Variants in PROCR observed in about 807,000 individuals in gnomAD.
PROCR encodes endothelial protein C receptor.
PROCR carries 22 observed loss-of-function variants against 24.2 expected under a neutral mutation model. That is an observed-to-expected ratio of 0.91 (90% confidence interval 0.65 to 1.30). The LOEUF (loss-of-function observed/expected upper bound fraction) is 1.30. PROCR is among the 50% of genes most tolerant of loss of function. The pLI is 0.00. For synonymous variants in PROCR, 137 were observed against 139.2 expected, an observed-to-expected ratio of 0.98 and a Z score of 0.11; for missense variants, 288 against 307.7, an observed-to-expected ratio of 0.94 and a Z score of 0.48.
At chr20:35,182,303 A>G (rs1302135700), downstream of PROCR, among the ~76,000 whole-genome samples, 5 of 152,072 alleles carry the variant, frequency 3.3e-5, no homozygotes, top group Non-Finnish European at 5.9e-5. Context: ...AACTCTACAT[A>G]TATTATCTTT....
chr20:35,208,107 G>T (rs536331660), intron 1 of PROCR, among the ~76,000 whole-genome samples: 1 of 152,156 alleles, frequency 6.6e-6, no homozygotes, highest in African/African-American at 2.4e-5. Context: ...GGAGAGAAGG[G>T]AAGGAAAAGC....
intron 1 of PROCR, among the ~76,000 whole-genome samples, chr20:35,205,863 A>ATGTATACATGTAT (rs2060339938): frequency 1.4e-5 from 2 of 144,352 alleles, no homozygotes; most frequent in South Asian, 4.3e-4. Context: ...ACATATACAT[A>ATGTATACATGTAT]TGTATACATG....
intron 1 of PROCR, among the ~76,000 whole-genome samples, chr20:35,187,048 C>T (rs1293846131): frequency 6.6e-6 from 1 of 152,138 alleles, no homozygotes; most frequent in Non-Finnish European, 1.5e-5. Context: ...TGCGCTTCCT[C>T]AATCCATAGT....
In PROCR at chr20:35,174,077, A is replaced by G. The variant is rs534233618; in HGVS notation, c.71-625A>G. Among the ~76,000 whole-genome samples, 216 of 152,314 alleles carry G rather than the reference A, an allele frequency of 1.4e-3. 1 individual carries two copies. The highest frequency in any genetic ancestry group is 7.5e-4 in the Non-Finnish European group (51 of 68,022). ...ATAATAGTAGCTATTGCATTAAGCC[A>G]CTGGGGAAAGGCACAAAGATAATAA... On this transcript the variant is annotated intron_variant, in intron 1 of 3. Coordinates refer to ENST00000216968, the MANE Select transcript of PROCR (RefSeq NM_006404.5).
At chr20:35,174,361 A>C in intron 1 of PROCR, 1 of 374,642 alleles carries the variant, frequency 2.7e-6, no homozygotes. Context: ...AGGCGATGGA[A>C]TTGGAATTTT....
intron 1 of PROCR, among the ~76,000 whole-genome samples, chr20:35,207,693 C>T (rs574562768): frequency 5.3e-4 from 80 of 152,096 alleles, no homozygotes; most frequent in African/African-American, 1.9e-3. Context: ...CCACACCTGG[C>T]TAATTTTCAT....
intron 1 of PROCR, among the ~76,000 whole-genome samples, chr20:35,206,768 A>G (rs2060344558): frequency 2.0e-5 from 3 of 152,300 alleles, no homozygotes; most frequent in African/African-American, 4.8e-5. Context: ...AAACAAAATG[A>G]TACAGCCCCT....
At position 35,210,504 on chromosome 20, in the gene PROCR, G is replaced by A. The variant is rs541684875; in HGVS notation, c.95-5389G>A. Among the ~76,000 whole-genome samples the A allele has an allele frequency of 1.4e-3, 208 of 152,138 alleles. 1 individual carries two copies. Among genetic ancestry groups the A allele is most frequent in the African/African-American group, 4.5e-3 (186 of 41,488 alleles). On this transcript the variant is annotated intron_variant, in intron 1 of 1. Transcript: ENST00000634509. Reference sequence around the variant, plus strand: ...TGAGGCTGCAGTAAGCTACGGTTGCGCCACTGCACTCCAGCCTGGGCAACA... The same window carrying A: ...TGAGGCTGCAGTAAGCTACGGTTGCACCACTGCACTCCAGCCTGGGCAACA...
intron 1 of PROCR, among the ~76,000 whole-genome samples, chr20:35,213,795 C>A (rs1204030499): frequency 3.9e-5 from 6 of 152,122 alleles, no homozygotes; most frequent in Non-Finnish European, 8.8e-5. Flanking sequence ...TCCTTCCAGC[C>A]AGGCATGGTG....
intron 1 of PROCR, among the ~76,000 whole-genome samples, chr20:35,194,875 A>G (rs1445981709): frequency 3.9e-5 from 6 of 152,228 alleles, no homozygotes; most frequent in Admixed American, 2.6e-4. Flanking sequence ...CAGATAATTT[A>G]AACAGGACTC....
downstream of PROCR, among the ~76,000 whole-genome samples, chr20:35,182,362 C>T (rs1489797811): frequency 6.6e-6 from 1 of 151,952 alleles, no homozygotes; most frequent in Non-Finnish European, 1.5e-5. Context: ...ATTGGTGGCA[C>T]GATCATGGCT....
chr20:35,186,339 C>G (rs548290990), intron 1 of PROCR, among the ~76,000 whole-genome samples: 1 of 152,008 alleles, frequency 6.6e-6, no homozygotes, highest in Non-Finnish European at 1.5e-5. Context: ...GAGGCCAAGG[C>G]GGGTGGATCA....
At chr20:35,192,649 G>A (rs1476837949) in intron 1 of PROCR, among the ~76,000 whole-genome samples, 1 of 152,082 alleles carries the variant, frequency 6.6e-6, no homozygotes, top group Non-Finnish European at 1.5e-5. Context: ...GTGAAGTTTG[G>A]CAGTTACCCA....
At chr20:35,174,633 G>T in intron 1 of PROCR, 69 bp from the exon 2 acceptor site, 3 of 1,599,486 alleles carry the variant, frequency 1.9e-6, no homozygotes, top group Non-Finnish European at 2.6e-6. Flanking sequence ...CGAGGTAGGG[G>T]GTTATTATCT....
intron 1 of PROCR, chr20:35,215,810 A>G: frequency 1.1e-6 from 1 of 948,108 alleles, no homozygotes; most frequent in South Asian, 4.9e-5. Context: ...ATAGGAATTC[A>G]GAGGAAGGAG....
intron 1 of PROCR, among the ~76,000 whole-genome samples, chr20:35,195,629 T>A (rs899494912): frequency 1.3e-5 from 2 of 152,032 alleles, no homozygotes; most frequent in African/African-American, 4.8e-5. Flanking sequence ...GAGACCAGCC[T>A]GGTCAACATC....
intron 1 of PROCR, among the ~76,000 whole-genome samples, chr20:35,194,263 G>A (rs557896264): frequency 3.5e-4 from 54 of 152,246 alleles, no homozygotes; most frequent in African/African-American, 1.2e-3. Flanking sequence ...TTTTACAGAA[G>A]AACAGAGAAG....
intron 1 of PROCR, chr20:35,174,251 T>G: frequency 4.7e-6 from 1 of 211,046 alleles, no homozygotes; most frequent in Non-Finnish European, 9.8e-6. Flanking sequence ...CAGGTGGAGG[T>G]CGGAATAGAG....
At chr20:35,188,294 A>G (rs1568595715) in intron 1 of PROCR, among the ~76,000 whole-genome samples, 1 of 152,214 alleles carries the variant, frequency 6.6e-6, no homozygotes, top group Non-Finnish European at 1.5e-5. Flanking sequence ...AGAAGCATAC[A>G]AAGCAGTTTA....
Sources: gnomAD v4.1 joint callset for allele counts (sites outside exome capture counted in the v4.1 genomes callset) on GRCh38, gnomAD v4.1.1 for gene constraint, MANE v1.5 for transcripts, NCBI Gene and HGNC (gene_info 2026-07-23, HGNC 2026-07-21) for gene names.